Variants in GRID2 observed in about 807,000 individuals in gnomAD.
The protein encoded by GRID2 is glutamate ionotropic receptor delta type subunit 2.
A neutral mutation model predicts 114.8 loss-of-function variants in GRID2; 33 were observed. That is an observed-to-expected ratio of 0.29 (90% CI 0.22 to 0.38). The LOEUF is 0.38. Ranked by LOEUF, GRID2 falls within the 10% of genes least tolerant of loss-of-function variation. GRID2 has a pLI of 1.00. For synonymous variants in GRID2, 505 were observed against 449.9 expected, an observed-to-expected ratio of 1.12 and a Z score of -1.55; for missense variants, 1,184 against 1,257.7, an observed-to-expected ratio of 0.94 and a Z score of 0.89.
At chr4:93,339,559 T>C (rs528911990) in intron 8 of GRID2, among the ~76,000 whole-genome samples, 1 of 152,274 alleles carries the variant, frequency 6.6e-6, no homozygotes, top group South Asian at 2.1e-4. Flanking sequence ...TGGATTTCCC[T>C]CCAGAACTGT....
chr4:93,487,975 A>G (rs780743151), intron 11 of GRID2, among the ~76,000 whole-genome samples: 118 of 151,988 alleles, frequency 7.8e-4, no homozygotes, highest in Non-Finnish European at 8.4e-4. Context: ...TTCTACAAGA[A>G]TATTTGAGTT....
chr4:93,769,630 G>C (rs1159374984), intron 15 of GRID2, among the ~76,000 whole-genome samples, 180 bp downstream of exon 15: 3 of 152,092 alleles, frequency 2.0e-5, no homozygotes, highest in Admixed American at 2.0e-4. Flanking sequence ...TCCATTTTAG[G>C]ATATCCCCAG....
At chr4:92,511,687 A>G (rs1724259001) in intron 1 of GRID2, among the ~76,000 whole-genome samples, 1 of 151,914 alleles carries the variant, frequency 6.6e-6, no homozygotes, top group Admixed American at 6.6e-5. Flanking sequence ...TAGTTGAATC[A>G]GTTCAAGAGA....
At chr4:93,135,243 A>G (rs1474886981) in intron 4 of GRID2, among the ~76,000 whole-genome samples, 3 of 152,184 alleles carry the variant, frequency 2.0e-5, no homozygotes, top group South Asian at 4.1e-4. Flanking sequence ...CTTTGGGTTC[A>G]GTCTCCTGTG....
At chr4:93,363,460 A>G (rs1266434881) in intron 8 of GRID2, among the ~76,000 whole-genome samples, 1 of 152,182 alleles carries the variant, frequency 6.6e-6, no homozygotes, top group Non-Finnish European at 1.5e-5. Context: ...CTTTCCAGAC[A>G]TCTACATCCT....
chr4:92,396,574 A>G (rs1176439840), intron 1 of GRID2, among the ~76,000 whole-genome samples: 1 of 152,042 alleles, frequency 6.6e-6, no homozygotes, highest in Non-Finnish European at 1.5e-5. Flanking sequence ...TGTCATACCT[A>G]GGAGTGAGAG....
chr4:92,666,657 T>TG (rs199531251), intron 2 of GRID2, among the ~76,000 whole-genome samples: 8,830 of 144,568 alleles, frequency 0.061, 511 homozygotes, highest in East Asian at 0.16. Flanking sequence ...GTTGTTTTTT[T>TG]TTTTTTTTTT....
At chr4:93,385,684 G>A (rs568111521) in intron 8 of GRID2, among the ~76,000 whole-genome samples, 1 of 151,418 alleles carries the variant, frequency 6.6e-6, no homozygotes, top group East Asian at 1.9e-4. Flanking sequence ...TTACATCAAT[G>A]TTTATATATT....
At chr4:93,238,608 A>T in intron 8 of GRID2, 118 bp downstream of exon 8, 100 of 659,510 alleles carry the variant, frequency 1.5e-4, no homozygotes, top group Middle Eastern at 5.8e-4. Flanking sequence ...TGAAAGAGAA[A>T]GCAGGGGGTG....
At chr4:92,757,338 GCTAT>G (rs1180463325) in intron 2 of GRID2, among the ~76,000 whole-genome samples, 3 of 152,106 alleles carry the variant, frequency 2.0e-5, no homozygotes, top group Non-Finnish European at 4.4e-5. Flanking sequence ...TGAAAACGAT[GCTAT>G]CTGTGATGAG....
intron 8 of GRID2, among the ~76,000 whole-genome samples, chr4:93,369,522 C>T (rs1233038303): frequency 1.3e-5 from 2 of 152,118 alleles, no homozygotes; most frequent in African/African-American, 4.8e-5. Flanking sequence ...CAGGGTCTTG[C>T]TCTGTTGTCA....
chr4:92,766,485 C>T (rs184652699), intron 2 of GRID2, among the ~76,000 whole-genome samples: 76 of 145,138 alleles, frequency 5.2e-4, no homozygotes, highest in African/African-American at 1.8e-3. Context: ...TGCGGTGAGC[C>T]GAGATAGTGC....
chr4:92,928,203 C>A (rs1434696888), intron 2 of GRID2, among the ~76,000 whole-genome samples: 1 of 151,642 alleles, frequency 6.6e-6, no homozygotes, highest in East Asian at 1.9e-4. Context: ...TAAATTCCCA[C>A]TAACTACAGC....
intron 2 of GRID2, among the ~76,000 whole-genome samples, chr4:92,837,248 T>C (rs1316901972): frequency 6.6e-6 from 1 of 152,080 alleles, no homozygotes; most frequent in African/African-American, 2.4e-5. Flanking sequence ...TGAGTTTCAG[T>C]TCTTTGATAC....
At chr4:92,537,790 T>G (rs1010764269) in intron 1 of GRID2, among the ~76,000 whole-genome samples, 108 of 83,042 alleles carry the variant, frequency 1.3e-3, no homozygotes, top group African/African-American at 4.0e-3. Flanking sequence ...TTGCGGTGTG[T>G]GTGTGTGTGT....
chr4:93,572,968 A>C (rs115991372), intron 13 of GRID2, among the ~76,000 whole-genome samples: 2,151 of 152,268 alleles, frequency 0.014, 39 homozygotes, highest in Middle Eastern at 0.024. Flanking sequence ...TAAGTAGTAC[A>C]TCATTTCCCC....
intron 2 of GRID2, among the ~76,000 whole-genome samples, chr4:92,649,444 C>G (rs1026425333): frequency 6.6e-6 from 1 of 151,174 alleles, no homozygotes; most frequent in Admixed American, 6.6e-5. Flanking sequence ...TTCAGACCCT[C>G]AACTGATTGG....
intron 2 of GRID2, among the ~76,000 whole-genome samples, chr4:92,631,026 G>GA (rs71579572): frequency 2.0e-5 from 3 of 148,666 alleles, no homozygotes; most frequent in Non-Finnish European, 3.0e-5. Context: ...AAAAAAAAAA[G>GA]AAAAAAACAA....
chr4:93,650,460 G>A (rs1173549777), intron 14 of GRID2, among the ~76,000 whole-genome samples: 5 of 151,990 alleles, frequency 3.3e-5, no homozygotes, highest in Non-Finnish European at 7.4e-5. Flanking sequence ...AAATTTGAAA[G>A]TCTTGGAATG....
Sources: gnomAD v4.1 joint callset for allele counts (sites outside exome capture counted in the v4.1 genomes callset) on GRCh38, gnomAD v4.1.1 for gene constraint, MANE v1.5 for transcripts, NCBI Gene and HGNC (gene_info 2026-07-23, HGNC 2026-07-21) for gene names.